PRKG2: variants seen among roughly 807,000 people sequenced by gnomAD.
The protein encoded by PRKG2 is protein kinase cGMP-dependent 2.
PRKG2 carries 33 observed loss-of-function variants against 97.2 expected under a neutral mutation model. The ratio of observed to expected loss-of-function variants is 0.34; its 90% CI spans 0.26 to 0.45. PRKG2 has a LOEUF of 0.45. Ranked by LOEUF, PRKG2 falls within the 20% of genes least tolerant of loss-of-function variation. The probability of loss-of-function intolerance (pLI) is 1.00; values close to 1 mark genes in which losing one functional copy is unlikely to be tolerated. For missense variants in PRKG2, 638 were observed against 900.0 expected (o/e 0.71, Z 3.73); for synonymous variants, 330 against 321.8 (o/e 1.03, Z -0.27).
intron 2 of PRKG2, among the ~76,000 whole-genome samples, chr4:81,191,218 T>C (rs1318212073): frequency 6.6e-6 from 1 of 151,872 alleles, no homozygotes; most frequent in African/African-American, 2.4e-5. Flanking sequence ...ATAAAGAAAA[T>C]GTGGCACATA....
At chr4:81,138,352 A>G (rs1387453404) in intron 12 of PRKG2, among the ~76,000 whole-genome samples, 1 of 152,172 alleles carries the variant, frequency 6.6e-6, no homozygotes, top group Non-Finnish European at 1.5e-5. Flanking sequence ...AGACCAAAGC[A>G]GACAGTAGAA....
At chr4:81,108,856 C>A (rs1278220891) in intron 15 of PRKG2, among the ~76,000 whole-genome samples, 1 of 152,156 alleles carries the variant, frequency 6.6e-6, no homozygotes, top group Non-Finnish European at 1.5e-5. Flanking sequence ...GTGATCACAC[C>A]ACTTCATTGC....
chr4:81,170,271 G>A (rs551387018), intron 4 of PRKG2, among the ~76,000 whole-genome samples: 1 of 152,196 alleles, frequency 6.6e-6, no homozygotes, highest in African/African-American at 2.4e-5. Context: ...TTACTTTTGT[G>A]TAAAATGCCT....
intron 2 of PRKG2, among the ~76,000 whole-genome samples, chr4:81,182,066 G>A (rs1016653284): frequency 5.9e-5 from 9 of 151,708 alleles, no homozygotes; most frequent in Non-Finnish European, 1.0e-4. Context: ...TTAAATTTAT[G>A]TAATATTTTC....
chr4:81,099,178 A>C (rs1742444887), intron 17 of PRKG2, among the ~76,000 whole-genome samples: 1 of 152,168 alleles, frequency 6.6e-6, no homozygotes, highest in African/African-American at 2.4e-5. Context: ...ATTTCTGAGA[A>C]AGATTATTTA....
In PRKG2 at chr4:81,110,750, A is replaced by G. The variant is rs186763286; in HGVS notation, c.1777-139T>C. 7.0e-3 allele frequency: 2,502 copies of G among 358,776 alleles called. 51 individuals carry two copies. The African/African-American group carries it at 0.071, about 10-fold the overall frequency. The allele number at this position is 358,776 out of a possible 1,614,324, so 22.2% of individuals were successfully genotyped here. A position where few individuals can be genotyped will look rare whatever the true frequency, so the allele number is the denominator to read the frequency against. Reference sequence around the variant, plus strand: ...ATGCACACACACACACACACACACAAAGAGAGAGAGAGAGAGACAGACAGA... The same window carrying G: ...ATGCACACACACACACACACACACAGAGAGAGAGAGAGAGAGACAGACAGA... On this transcript the variant is annotated intron_variant, in intron 14 of 18. Coordinates refer to ENST00000264399, the MANE Select transcript of PRKG2 (RefSeq NM_006259.3).
chr4:81,103,103 C>T (rs1258184410), intron 17 of PRKG2, among the ~76,000 whole-genome samples: 1 of 152,116 alleles, frequency 6.6e-6, no homozygotes, highest in Non-Finnish European at 1.5e-5. Context: ...ATTTAACAAG[C>T]CAAAACCTGA....
At chr4:81,095,431 A>G (rs1394415258) in intron 17 of PRKG2, among the ~76,000 whole-genome samples, 1 of 152,074 alleles carries the variant, frequency 6.6e-6, no homozygotes, top group Non-Finnish European at 1.5e-5. Flanking sequence ...TTCTTTTGTC[A>G]CCAAATATGG....
chr4:81,142,901 T>G lies in PRKG2; in HGVS notation c.1300A>C (p.Met434Leu), dbSNP rs1747434069. Residue 434 changes from methionine (M) to leucine (L), a missense_variant, in exon 11 of 19, where the codon ATG becomes CTG. Physicochemically the swap from Met to Leu is conservative, Grantham distance 15 (BLOSUM62 2). This residue lies in a region of PRKG2 where 304 missense variants were observed against 460.5 expected (regional missense o/e 0.66). Transcript: ENST00000264399. ...WKLSKALSLE[M>L]IQLKEKVARF... ...GCCACCTTCTCCTTCAGCTGAATCA[T>G]TTCCAGAGAGAGTGCTTTGGACAGC... 1.2e-6 allele frequency: 2 copies of G among 1,613,392 alleles called. No individual in the cohort carries two copies. The highest frequency in any genetic ancestry group is 2.7e-5 in the African/African-American group (2 of 74,898).
chr4:81,129,986 T>C (rs1165618988), intron 14 of PRKG2, among the ~76,000 whole-genome samples: 1 of 152,174 alleles, frequency 6.6e-6, no homozygotes, highest in African/African-American at 2.4e-5. Flanking sequence ...TTCCTTCCCA[T>C]ATTTAGTGCT....
chr4:81,208,098 TAG>T (rs1481111713), intron 1 of PRKG2, among the ~76,000 whole-genome samples: 1 of 152,166 alleles, frequency 6.6e-6, no homozygotes. Flanking sequence ...ACATGAGCAA[TAG>T]AGTCAGGCCA....
At chr4:81,136,696 G>A (rs1460881541) in intron 13 of PRKG2, among the ~76,000 whole-genome samples, 6 of 151,706 alleles carry the variant, frequency 4.0e-5, no homozygotes, top group African/African-American at 1.2e-4. Flanking sequence ...TCCCCTCCTC[G>A]GAGCTCACCA....
At chr4:81,194,444 G>A (rs745858592) in intron 2 of PRKG2, among the ~76,000 whole-genome samples, 1 of 150,570 alleles carries the variant, frequency 6.6e-6, no homozygotes, top group Non-Finnish European at 1.5e-5. Flanking sequence ...TTTATAATTT[G>A]AGAAACTAGC....
At position 81,169,704 on chromosome 4, in the gene PRKG2, T is replaced by A. The variant is rs751279513; in HGVS notation, c.807A>T (p.Thr269=). ...TGTATTGTTCATCTCTAGCTTGGGC[T>A]GTCCTCCTCATTATATTCTGGAATA... ...REVFQNIMRR[T]AQARDEQYRN... Residue 269 remains threonine, a synonymous_variant, in exon 5 of 19, where the codon ACA becomes ACT. Coordinates refer to ENST00000264399, the MANE Select transcript of PRKG2 (RefSeq NM_006259.3). 1 of 1,610,248 alleles carries A rather than the reference T, an allele frequency of 6.2e-7. No homozygotes were observed. The highest frequency in any genetic ancestry group is 1.3e-5 in the African/African-American group (1 of 74,776).
In PRKG2 at chr4:81,110,445, T is replaced by C; in HGVS notation, c.1940+3A>G. On this transcript the variant is annotated splice_donor_region_variant and intron_variant, in intron 15 of 18. Transcript: ENST00000264399. Reference sequence around the variant, plus strand: ...TGGCTGCATAAAACTTGAAGGTACATACTTGCCCGTTAGGAGCTCATACAC... The same window carrying C: ...TGGCTGCATAAAACTTGAAGGTACACACTTGCCCGTTAGGAGCTCATACAC... 6.2e-7 allele frequency: 1 copy of C among 1,611,312 alleles called. No individual in the cohort carries two copies. Among genetic ancestry groups the C allele is most frequent in the Non-Finnish European group, 8.5e-7 (1 of 1,179,162 alleles).
intron 6 of PRKG2, among the ~76,000 whole-genome samples, chr4:81,161,233 T>C (rs978574222): frequency 2.0e-5 from 3 of 152,188 alleles, no homozygotes; most frequent in African/African-American, 4.8e-5. Context: ...GGAAGCATAA[T>C]ATTTTTGGAG....
intron 2 of PRKG2, among the ~76,000 whole-genome samples, chr4:81,191,705 A>G (rs1041413042): frequency 2.0e-5 from 3 of 152,198 alleles, no homozygotes; most frequent in Non-Finnish European, 2.9e-5. Flanking sequence ...GGAGATAAAC[A>G]GACCTCAACA....
chr4:81,167,832 A>C (rs578094092), intron 5 of PRKG2, among the ~76,000 whole-genome samples: 1 of 151,486 alleles, frequency 6.6e-6, no homozygotes, highest in Non-Finnish European at 1.5e-5. Flanking sequence ...AATGATCACT[A>C]AACTTCAGAA....
At chr4:81,145,158 T>C (rs967612716) in intron 9 of PRKG2, among the ~76,000 whole-genome samples, 2 of 152,106 alleles carry the variant, frequency 1.3e-5, no homozygotes, top group African/African-American at 4.8e-5. Flanking sequence ...GTATTTCTAG[T>C]TCTAGATCCC....
Sources: allele counts gnomAD v4.1 joint callset (sites outside exome capture counted in the v4.1 genomes callset), GRCh38; gene constraint gnomAD v4.1.1; regional missense constraint gnomAD v4.1.1; transcripts MANE v1.5; gene names NCBI Gene and HGNC (gene_info 2026-07-23, HGNC 2026-07-21).